The following MROH2A variants were observed in gnomAD, a reference collection of about 807,000 sequenced individuals.
MROH2A encodes the protein maestro heat-like repeat-containing protein family member 2A.
MROH2A carries 174 observed loss-of-function variants against 200.4 expected under a neutral mutation model. That is an observed-to-expected ratio of 0.87 (90% CI 0.77 to 0.98). The LOEUF (loss-of-function observed/expected upper bound fraction) is 0.98, where lower values mean the gene tolerates loss of function less well. Ranked by LOEUF, MROH2A falls within the 50% of genes least tolerant of loss-of-function variation. The probability of loss-of-function intolerance (pLI) is 0.00; values close to 1 mark genes in which losing one functional copy is unlikely to be tolerated. For missense variants in MROH2A, 2,045 were observed against 2,139.6 expected (o/e 0.96, Z 0.87); for synonymous variants, 829 against 840.4 (o/e 0.99, Z 0.23).
Position 233,807,584 on chromosome 2 carries a change from T to A in MROH2A, c.2172+42T>A. 1 of 1,548,640 alleles carries A rather than the reference T, an allele frequency of 6.5e-7. No homozygotes were observed. The highest frequency in any genetic ancestry group is 1.2e-5 in the South Asian group (1 of 83,954). On this transcript the variant is annotated intron_variant, in intron 20 of 41. Transcript: ENST00000389758. This position sits in a 1 kb window ranked among gnomAD's most constrained non-coding sequence, Gnocchi z 4.3. ...CCTCCTCCTGTCCACCAGATGCCTCTGGACCCTCGGGGACATGTGTGTTCA... is the reference window on the plus strand; with the variant it reads ...CCTCCTCCTGTCCACCAGATGCCTCAGGACCCTCGGGGACATGTGTGTTCA...
In MROH2A at chr2:233,812,628, A is replaced by G. The variant is rs189677289; in HGVS notation, c.2651+669A>G. ...GAGTACTGAAGGGACACAGAGATAC[A>G]TAAGACCTAGTCCCAGCCTTTTAAG... is the stretch of plus-strand genomic sequence containing the variant. On this transcript the variant is annotated intron_variant, in intron 24 of 41. Coordinates refer to ENST00000389758, the MANE Select transcript of MROH2A (RefSeq NM_001394639.1). Among the ~76,000 whole-genome samples, 9 of 152,366 alleles carry G rather than the reference A, an allele frequency of 5.9e-5. No individual in the cohort carries two copies. In the South Asian group the frequency reaches 8.3e-4, roughly 14 times the overall value.
chr2:233,797,667 A>G (rs748530743), intron 11 of MROH2A, among the ~76,000 whole-genome samples: 7 of 152,170 alleles, frequency 4.6e-5, no homozygotes, highest in African/African-American at 7.2e-5. Flanking sequence ...TAATTTTGCA[A>G]TGAACATATG....
Position 233,807,609 on chromosome 2 carries a change from A to C in MROH2A, c.2172+67A>C, listed in dbSNP as rs1429356294. 1.3e-6 allele frequency: 2 copies of C among 1,543,904 alleles called. No homozygotes were observed. Among genetic ancestry groups the C allele is most frequent in the African/African-American group, 1.4e-5 (1 of 72,866 alleles). On this transcript the variant is annotated intron_variant, in intron 20 of 41. Transcript: ENST00000389758. This position sits in a 1 kb window ranked among gnomAD's most constrained non-coding sequence, Gnocchi z 4.3. ...TGGACCCTCGGGGACATGTGTGTTC[A>C]TGTGGCTGCATGCGTTTTGTGTGTG...
rs1413985452 is a variant in MROH2A at position 233,789,556 on chromosome 2, G to C, written c.336G>C (p.Glu112Asp). The change falls in exon 4 of 42, where the codon GAG (glutamate) becomes GAC (aspartate). Residue 112 changes from glutamate (E) to aspartate (D), a missense_variant. Physicochemically the swap from Glu to Asp is conservative, Grantham distance 45. Around this residue, in one of 3 missense-constraint regions of MROH2A, gnomAD observed 831 missense variants for 800.0 expected, o/e 1.04. Transcript: ENST00000389758. Reference sequence around the variant, plus strand: ...TCCTCCAGGACATCATCCAGCAGGAGGGGGAGCTGGAGGAGCAGTGCGTGC... The same window carrying C: ...TCCTCCAGGACATCATCCAGCAGGACGGGGAGCTGGAGGAGCAGTGCGTGC... ...YNILQDIIQQEGELEEQCVQR... is the reference protein window; with the variant it reads ...YNILQDIIQQDGELEEQCVQR... The C allele has an allele frequency of 4.0e-6, 6 of 1,491,748 alleles. No individual in the cohort carries two copies. The highest frequency in any genetic ancestry group is 5.4e-6 in the Non-Finnish European group (6 of 1,120,050). 92.4% of individuals were successfully genotyped at this position (1,491,748 alleles called of 1,614,324 possible).
chr2:233,805,640 C>G (rs1702744661), intron 19 of MROH2A, among the ~76,000 whole-genome samples: 1 of 152,162 alleles, frequency 6.6e-6, no homozygotes, highest in Admixed American at 6.5e-5. Flanking sequence ...ACTCAAACTT[C>G]TCAATTTCAA....
chr2:233,794,410 T>C lies in MROH2A; in HGVS notation c.870T>C (p.Leu290=), dbSNP rs1701973098. 3.2e-6 allele frequency: 5 copies of C among 1,550,460 alleles called. No individual in the cohort carries two copies. In the South Asian group the frequency reaches 4.8e-5, roughly 15 times the overall value. ...CCCTGAAGCCCATGCTCGGCCTCCT[T>C]CTGCCCAACGATGACCTGCGGGAGC... is the stretch of plus-strand genomic sequence containing the variant. ...IKSLKPMLGL[L]LPNDDLREQV... The change falls in exon 8 of 42, where the codon CTT becomes CTC. Residue 290 remains leucine, a synonymous_variant. Transcript: ENST00000389758.
intron 6 of MROH2A, among the ~76,000 whole-genome samples, chr2:233,793,315 C>T (rs1559446044): frequency 1.3e-5 from 2 of 152,122 alleles, no homozygotes; most frequent in South Asian, 2.1e-4. Context: ...ACTTAATGTT[C>T]TTGTGGGCTT....
upstream of MROH2A, among the ~76,000 whole-genome samples, chr2:233,777,360 C>T (rs866933436): frequency 6.6e-6 from 1 of 152,172 alleles, no homozygotes; most frequent in African/African-American, 2.4e-5. Context: ...ACCACATCAC[C>T]TCAGTGATCT....
chr2:233,795,543 C>T, intron 8 of MROH2A, 110 bp from the exon 9 acceptor site: 1 of 1,503,632 alleles, frequency 6.7e-7, no homozygotes, highest in Admixed American at 2.0e-5. Context: ...AATCAGCTCC[C>T]AGGGAATGCT....
In MROH2A at chr2:233,804,560, C is replaced by T. The variant is rs1702673188; in HGVS notation, c.1944+13C>T. ...CAAGCTGATTCAGGTAAACGGGTAA[C>T]AAGTTTGCTGAGGCCTGGGAGGAGG... On this transcript the variant is annotated intron_variant, in intron 18 of 41. Coordinates refer to ENST00000389758, the MANE Select transcript of MROH2A (RefSeq NM_001394639.1). 2 of 1,551,130 alleles carry T rather than the reference C, an allele frequency of 1.3e-6. No individual in the cohort carries two copies. Among genetic ancestry groups the T allele is most frequent in the Non-Finnish European group, 1.7e-6 (2 of 1,147,092 alleles).
intron 34 of MROH2A, 42 bp from the exon 35 acceptor site, chr2:233,823,514 G>T: frequency 2.6e-6 from 4 of 1,533,582 alleles, no homozygotes; most frequent in Non-Finnish European, 3.5e-6. Flanking sequence ...TCAGGCAGGG[G>T]TGGGGCCGCC....
intron 3 of MROH2A, among the ~76,000 whole-genome samples, chr2:233,787,680 TAC>T: frequency 3.1e-5 from 2 of 65,154 alleles, no homozygotes; most frequent in Non-Finnish European, 5.1e-5. Context: ...ATATTATATA[TAC>T]ATATATATTA....
intron 23 of MROH2A, among the ~76,000 whole-genome samples, chr2:233,811,226 C>T (rs568802522): frequency 6.6e-6 from 1 of 152,344 alleles, no homozygotes; most frequent in African/African-American, 2.4e-5. Flanking sequence ...GCTGTAGCTT[C>T]CCTGTCTCTC....
At chr2:233,808,324 T>C (rs1229266870) in intron 21 of MROH2A, among the ~76,000 whole-genome samples, 1 of 152,218 alleles carries the variant, frequency 6.6e-6, no homozygotes, top group East Asian at 1.9e-4. Context: ...AGCTTGTCCA[T>C]TGGCGTGCGG....
chr2:233,829,675 T>C lies in MROH2A; in HGVS notation c.4502T>C (p.Val1501Ala). Residue 1501 changes from valine (V) to alanine (A), a missense_variant, in exon 38 of 42, where the codon GTG becomes GCG. By Grantham distance (64) the Val-to-Ala change is moderately conservative. Around this residue, in one of 3 missense-constraint regions of MROH2A, gnomAD observed 1,201 missense variants for 1,311.3 expected, o/e 0.92. Coordinates refer to ENST00000389758, the MANE Select transcript of MROH2A (RefSeq NM_001394639.1). ...AFILFGKLAR[V>A]VGMSKKHFFK... ...ATCCTCTTTGGAAAGCTGGCAAGGGTGGTCGGGATGTCCAAGAAGCATTTC... is the reference window on the plus strand; with the variant it reads ...ATCCTCTTTGGAAAGCTGGCAAGGGCGGTCGGGATGTCCAAGAAGCATTTC... 6.7e-7 allele frequency: 1 copy of C among 1,489,922 alleles called. No homozygotes were observed. Among genetic ancestry groups the C allele is most frequent in the Non-Finnish European group, 8.9e-7 (1 of 1,117,320 alleles). 92.3% of individuals were successfully genotyped at this position (1,489,922 alleles called of 1,614,324 possible).
intron 24 of MROH2A, among the ~76,000 whole-genome samples, chr2:233,813,185 T>C (rs947223934): frequency 3.9e-5 from 6 of 152,222 alleles, no homozygotes; most frequent in Non-Finnish European, 7.3e-5. Context: ...AAAACACAGA[T>C]GGCTGCAGTC....
intron 3 of MROH2A, among the ~76,000 whole-genome samples, chr2:233,784,120 G>A (rs893628111): frequency 6.6e-6 from 1 of 151,894 alleles, no homozygotes; most frequent in East Asian, 1.9e-4. Flanking sequence ...GTTCCTTAAT[G>A]TGTATCATTA....
At chr2:233,830,448 G>A (rs573607373) in intron 38 of MROH2A, among the ~76,000 whole-genome samples, 82 of 152,326 alleles carry the variant, frequency 5.4e-4, no homozygotes, top group Middle Eastern at 3.4e-3. Flanking sequence ...CGCCTAGTAA[G>A]CCTTGGGACG....
intron 25 of MROH2A, among the ~76,000 whole-genome samples, chr2:233,814,144 A>G (rs955906846): frequency 2.0e-5 from 3 of 152,196 alleles, no homozygotes; most frequent in Admixed American, 6.5e-5. Context: ...CCCAGCATAG[A>G]TAGAAGAAAG....
Sources: allele counts gnomAD v4.1 joint callset (sites outside exome capture counted in the v4.1 genomes callset), GRCh38; gene constraint gnomAD v4.1.1; regional missense constraint gnomAD v4.1.1; non-coding constraint Gnocchi (gnomAD v3.1); transcripts MANE v1.5; gene names NCBI Gene and HGNC (gene_info 2026-07-23, HGNC 2026-07-21).